The following ENTREP2 variants were observed in gnomAD, a reference collection of about 807,000 sequenced individuals.
ENTREP2 encodes the protein endosomal transmembrane epsin interactor 2.
chr15:29,328,479 AC>A, the ENTREP2 span, among the ~76,000 whole-genome samples: 3 of 152,204 alleles, frequency 2.0e-5, no homozygotes, highest in South Asian at 2.1e-4. Flanking sequence ...GCAAAATGTG[AC>A]AAAAAACAAT....
the ENTREP2 span, among the ~76,000 whole-genome samples, chr15:29,573,117 C>G: frequency 6.6e-6 from 1 of 152,048 alleles, no homozygotes; most frequent in Non-Finnish European, 1.5e-5. Flanking sequence ...ATGAGAGATG[C>G]TTCCAAAATA....
the ENTREP2 span, among the ~76,000 whole-genome samples, chr15:29,497,318 T>G: frequency 1.3e-5 from 2 of 152,200 alleles, no homozygotes; most frequent in East Asian, 1.9e-4. Context: ...CAATTTTTTT[T>G]GGAAGCGTTT....
the ENTREP2 span, among the ~76,000 whole-genome samples, chr15:29,224,712 C>G: frequency 6.6e-6 from 1 of 152,226 alleles, no homozygotes; most frequent in African/African-American, 2.4e-5. Context: ...CCACCAGACT[C>G]AGGAGCCCAG....
chr15:29,194,184 G>A, the ENTREP2 span, among the ~76,000 whole-genome samples: 2 of 152,210 alleles, frequency 1.3e-5, no homozygotes, highest in Non-Finnish European at 2.9e-5. Flanking sequence ...AAAATTGGAC[G>A]ACAGCAATAA....
the ENTREP2 span, among the ~76,000 whole-genome samples, chr15:29,478,263 G>A: frequency 3.3e-5 from 5 of 151,658 alleles, no homozygotes; most frequent in East Asian, 2.0e-4. Flanking sequence ...TCCTGACCTC[G>A]TGATCCGCCT....
chr15:29,562,901 CCA>C, the ENTREP2 span, among the ~76,000 whole-genome samples: 1 of 152,102 alleles, frequency 6.6e-6, no homozygotes, highest in Non-Finnish European at 1.5e-5. Context: ...GGTGATCCTC[CCA>C]CCTCAGCCTC....
At chr15:29,532,170 T>C in the ENTREP2 span, among the ~76,000 whole-genome samples, 131 of 152,302 alleles carry the variant, frequency 8.6e-4, no homozygotes, top group South Asian at 2.1e-3. Context: ...TTACCCTATA[T>C]TACACAGAGC....
chr15:29,622,213 T>C, the ENTREP2 span, among the ~76,000 whole-genome samples: 2 of 152,062 alleles, frequency 1.3e-5, no homozygotes, highest in Non-Finnish European at 2.9e-5. Context: ...TTATTTTATT[T>C]TATTTTATTT....
chr15:29,219,668 G>A, the ENTREP2 span, among the ~76,000 whole-genome samples: 2 of 85,896 alleles, frequency 2.3e-5, no homozygotes, highest in African/African-American at 1.0e-4. Context: ...TATATATGAT[G>A]GAATACTACT....
the ENTREP2 span, among the ~76,000 whole-genome samples, chr15:29,394,059 T>C: frequency 6.6e-6 from 1 of 152,054 alleles, no homozygotes; most frequent in Non-Finnish European, 1.5e-5. Flanking sequence ...TTAAAAACTA[T>C]CCAAGAATTA....
chr15:29,357,565 T>C, the ENTREP2 span, among the ~76,000 whole-genome samples: 51 of 152,038 alleles, frequency 3.4e-4, no homozygotes, highest in Non-Finnish European at 4.1e-4. Context: ...CAGCCAGGCG[T>C]GGTGGCTCAC....
chr15:29,465,398 G>A, the ENTREP2 span, among the ~76,000 whole-genome samples: 1 of 152,186 alleles, frequency 6.6e-6, no homozygotes, highest in African/African-American at 2.4e-5. Flanking sequence ...CCTGACAACT[G>A]AGCCACGTGA....
At chr15:29,553,506 C>T in the ENTREP2 span, among the ~76,000 whole-genome samples, 1 of 152,148 alleles carries the variant, frequency 6.6e-6, no homozygotes, top group African/African-American at 2.4e-5. Context: ...TGCAGTGTGA[C>T]CCTTGTCTTC....
the ENTREP2 span, among the ~76,000 whole-genome samples, chr15:29,156,665 T>A: frequency 3.9e-5 from 6 of 152,148 alleles, no homozygotes; most frequent in African/African-American, 1.4e-4. Context: ...GATGCCGGTC[T>A]GAGGGTGACT....
the ENTREP2 span, among the ~76,000 whole-genome samples, chr15:29,422,019 G>A: frequency 1.3e-5 from 2 of 152,120 alleles, no homozygotes; most frequent in African/African-American, 4.8e-5. Context: ...TGTAATCCCA[G>A]CACTTTGGGA....
At chr15:29,581,942 G>GTT in the ENTREP2 span, among the ~76,000 whole-genome samples, 6 of 138,842 alleles carry the variant, frequency 4.3e-5, no homozygotes, top group Admixed American at 7.3e-5. Flanking sequence ...AAATATGCTG[G>GTT]TTTTTTTTTT....
the ENTREP2 span, among the ~76,000 whole-genome samples, chr15:29,396,563 G>A: frequency 1.3e-5 from 2 of 152,144 alleles, no homozygotes; most frequent in Non-Finnish European, 2.9e-5. Context: ...TCTGTGGGTT[G>A]CCTGTTTACT....
the ENTREP2 span, among the ~76,000 whole-genome samples, chr15:29,200,350 AT>A: frequency 1.3e-5 from 2 of 151,836 alleles, no homozygotes; most frequent in African/African-American, 2.4e-5. Context: ...TAATTTTTGT[AT>A]TTTTAGTAGA....
chr15:29,510,933 C>T, the ENTREP2 span, among the ~76,000 whole-genome samples: 1 of 151,928 alleles, frequency 6.6e-6, no homozygotes, highest in Non-Finnish European at 1.5e-5. Context: ...AACAAACTAA[C>T]ATGGGAAGAG....
Sources: allele counts gnomAD v4.1 joint callset (sites outside exome capture counted in the v4.1 genomes callset), GRCh38; gene constraint gnomAD v4.1.1; transcripts MANE v1.5; gene names NCBI Gene and HGNC (gene_info 2026-07-23, HGNC 2026-07-21).